R3HDM1: variants seen among roughly 807,000 people sequenced by gnomAD.
R3HDM1 encodes the protein R3H domain-containing protein 1.
Under a neutral mutation model 141.1 loss-of-function variants are expected in R3HDM1, and 46 were observed. The ratio of observed to expected loss-of-function variants is 0.33; its 90% CI spans 0.26 to 0.42. The LOEUF (loss-of-function observed/expected upper bound fraction) is 0.42. Among genes scored for constraint, R3HDM1 ranks in the 10% least tolerant of loss-of-function variants. The pLI is 1.00. For missense variants in R3HDM1, 1,184 were observed against 1,368.3 expected (o/e 0.87, Z 2.12); for synonymous variants, 435 against 472.9 (o/e 0.92, Z 1.04).
intron 21 of R3HDM1, among the ~76,000 whole-genome samples, chr2:135,681,076 T>C (rs180787945): frequency 1.3e-4 from 20 of 152,358 alleles, no homozygotes; most frequent in African/African-American, 4.8e-4. Context: ...ATAGTAGTTC[T>C]ACATTAAAGC....
At chr2:135,562,740 T>A (rs2104964900) in intron 1 of R3HDM1, among the ~76,000 whole-genome samples, 1 of 152,354 alleles carries the variant, frequency 6.6e-6, no homozygotes, top group African/African-American at 2.4e-5. Flanking sequence ...TCCCATACTT[T>A]ATCAGGTATC....
At chr2:135,567,124 G>C (rs1702970030) in intron 1 of R3HDM1, among the ~76,000 whole-genome samples, 1 of 152,164 alleles carries the variant, frequency 6.6e-6, no homozygotes, top group South Asian at 2.1e-4. Context: ...GTCTGTAATA[G>C]TGCTTGGGAT....
In R3HDM1 at chr2:135,596,171, G is replaced by A. The variant is rs563718530; in HGVS notation, c.-249-6329G>A. Among the ~76,000 whole-genome samples the A allele has an allele frequency of 7.9e-5, 12 of 152,030 alleles. No individual in the cohort carries two copies. In the South Asian group the frequency reaches 1.7e-3, roughly 21 times the overall value. Reference sequence around the variant, plus strand: ...GCACCACCACGCCCAGCTAATTTTTGTATTTTAGTAGAGACAGGGTTTCAC... The same window carrying A: ...GCACCACCACGCCCAGCTAATTTTTATATTTTAGTAGAGACAGGGTTTCAC... On this transcript the variant is annotated intron_variant, in intron 1 of 26. Transcript: ENST00000683871.
intron 21 of R3HDM1, among the ~76,000 whole-genome samples, chr2:135,691,678 A>G (rs918748410): frequency 2.6e-5 from 4 of 151,872 alleles, no homozygotes; most frequent in African/African-American, 9.7e-5. Flanking sequence ...CTGTAATTCT[A>G]GCTACGTGGG....
intron 21 of R3HDM1, among the ~76,000 whole-genome samples, chr2:135,691,774 C>G (rs2072425659): frequency 6.6e-6 from 1 of 151,860 alleles, no homozygotes. Context: ...GCCTGGGCAA[C>G]AAAACAAGAC....
intron 1 of R3HDM1, among the ~76,000 whole-genome samples, chr2:135,582,346 C>A (rs1707002997): frequency 6.6e-6 from 1 of 152,034 alleles, no homozygotes; most frequent in Admixed American, 6.6e-5. Context: ...TAAATAAATA[C>A]AAATTATTTA....
chr2:135,691,595 T>C (rs1196590711), intron 21 of R3HDM1, among the ~76,000 whole-genome samples: 1 of 150,750 alleles, frequency 6.6e-6, no homozygotes, highest in Non-Finnish European at 1.5e-5. Context: ...AACCCCTGTC[T>C]CCAAAAAAAA....
At chr2:135,594,776 T>C (rs1400466606) in intron 1 of R3HDM1, among the ~76,000 whole-genome samples, 3 of 152,158 alleles carry the variant, frequency 2.0e-5, no homozygotes, top group Admixed American at 6.5e-5. Flanking sequence ...TTCCTTCTTA[T>C]TACCTTTCTT....
chr2:135,650,617 T>C, intron 17 of R3HDM1: 1 of 980,312 alleles, frequency 1.0e-6, no homozygotes, highest in Non-Finnish European at 1.2e-6. Flanking sequence ...TCATATAACA[T>C]TGAAATTACA....
intron 24 of R3HDM1, among the ~76,000 whole-genome samples, chr2:135,716,130 T>A (rs1439844578): frequency 6.6e-6 from 1 of 152,076 alleles, no homozygotes; most frequent in Non-Finnish European, 1.5e-5. Flanking sequence ...CAAGACCCTG[T>A]CTCTAGAGAA....
At chr2:135,577,238 C>G in intron 1 of R3HDM1, 1 of 976,308 alleles carries the variant, frequency 1.0e-6, no homozygotes, top group East Asian at 1.1e-4. Flanking sequence ...TTTTACATGG[C>G]AAAAACCGAC....
chr2:135,645,285 A>G lies in R3HDM1; in HGVS notation c.1475-94A>G. 1.8e-6 allele frequency: 2 copies of G among 1,098,890 alleles called. 1 individual carries two copies. Among genetic ancestry groups the G allele is most frequent in the Non-Finnish European group, 2.6e-6 (2 of 772,830 alleles). 68.1% of individuals were successfully genotyped at this position (1,098,890 alleles called of 1,614,324 possible). A position where few individuals can be genotyped will look rare whatever the true frequency, so the allele number is the denominator to read the frequency against. On this transcript the variant is annotated intron_variant, in intron 15 of 26. Coordinates refer to ENST00000683871, the MANE Select transcript of R3HDM1 (RefSeq NM_001378107.1). The stretch of plus-strand genomic sequence containing the variant: ...AGGGTTTTTTTTTAATTGTGGTTAA[A>G]GGATTTTGGACATGCTTTGTAAATT...
chr2:135,706,846 A>G (rs943112270), intron 21 of R3HDM1, among the ~76,000 whole-genome samples: 3 of 152,044 alleles, frequency 2.0e-5, no homozygotes, highest in African/African-American at 4.8e-5. Flanking sequence ...TTTCTATTCC[A>G]CAAAACCGCC....
At chr2:135,621,969 C>G in intron 6 of R3HDM1, 1 of 983,274 alleles carries the variant, frequency 1.0e-6, no homozygotes, top group South Asian at 4.7e-5. Context: ...TATTGAGTAT[C>G]CAGTAAGAAT....
At chr2:135,634,976 A>G (rs1018610012) in intron 9 of R3HDM1, among the ~76,000 whole-genome samples, 3 of 152,190 alleles carry the variant, frequency 2.0e-5, no homozygotes, top group Non-Finnish European at 4.4e-5. Flanking sequence ...AAGGGCCACA[A>G]CCTTGTGTTT....
chr2:135,669,258 G>C lies in R3HDM1; in HGVS notation c.2153-6074G>C, dbSNP rs1012207371. 1.2e-5 allele frequency: 12 copies of C among 985,104 alleles called. No homozygotes were observed. In the African/African-American group the frequency reaches 1.6e-4, roughly 13 times the overall value. 61.0% of individuals were successfully genotyped at this position (985,104 alleles called of 1,614,324 possible). The stretch of plus-strand genomic sequence containing the variant: ...TTCCTCCCACAGAGAGGACATTGTG[G>C]GCTAATCATATGCTTATTTACACCT... On this transcript the variant is annotated intron_variant, in intron 19 of 26. Coordinates refer to ENST00000683871, the MANE Select transcript of R3HDM1 (RefSeq NM_001378107.1).
At chr2:135,715,180 T>C (rs2076042773) in intron 23 of R3HDM1, among the ~76,000 whole-genome samples, 1 of 152,102 alleles carries the variant, frequency 6.6e-6, no homozygotes, top group Non-Finnish European at 1.5e-5. Flanking sequence ...AAACCTCATC[T>C]CTACTAAAAA....
Position 135,638,909 on chromosome 2 carries a change from G to C in R3HDM1, c.1006G>C (p.Ala336Pro). The change falls in exon 14 of 27, where the codon GCT becomes CCT. Residue 336 changes from alanine (A) to proline (P), a missense_variant. Around this residue, in one of 5 missense-constraint regions of R3HDM1, gnomAD observed 240 missense variants for 312.3 expected, o/e 0.77. Coordinates refer to ENST00000683871, the MANE Select transcript of R3HDM1 (RefSeq NM_001378107.1). Reference sequence around the variant, plus strand: ...TCTAAATTACAGAGTTAATAAAGATGCTTCAGGGAGATCTACAAATAGCCA... The same window carrying C: ...TCTAAATTACAGAGTTAATAAAGATCCTTCAGGGAGATCTACAAATAGCCA... Reference protein sequence around the residue: ...RRQIFRVNKDASGRSTNSHQS... With the variant: ...RRQIFRVNKDPSGRSTNSHQS... 7.4e-6 allele frequency: 12 copies of C among 1,613,560 alleles called. No homozygotes were observed. Among genetic ancestry groups the C allele is most frequent in the Non-Finnish European group, 1.0e-5 (12 of 1,179,840 alleles).
rs1214837339 is a variant in R3HDM1, at chr2:135,715,585, A to G, written c.2772A>G (p.Pro924=). The G allele has an allele frequency of 1.2e-6, 2 of 1,614,118 alleles. No individual in the cohort carries two copies. Among genetic ancestry groups the G allele is most frequent in the Non-Finnish European group, 1.7e-6 (2 of 1,179,982 alleles). ...AACTCAGTAGCCCCATTATTTCACC[A>G]GCTCAGTCGCCAGCACCAGCTCAGC... ...SPQLSSPIIS[P]AQSPAPAQLS... is the part of the protein sequence containing the mutation. The change falls in exon 24 of 27, where the codon CCA becomes CCG. Residue 924 remains proline, a synonymous_variant. Transcript: ENST00000683871.
Sources: gnomAD v4.1 joint callset for allele counts (sites outside exome capture counted in the v4.1 genomes callset) on GRCh38, gnomAD v4.1.1 for gene constraint, gnomAD v4.1.1 regional missense constraint, MANE v1.5 for transcripts, NCBI Gene and HGNC (gene_info 2026-07-23, HGNC 2026-07-21) for gene names.